The following HMCN1 variants were observed in gnomAD, a reference collection of about 807,000 sequenced individuals.
The protein encoded by HMCN1 is hemicentin-1.
In HMCN1, 321 loss-of-function variants were observed where a neutral mutation model predicts 625.9. The ratio of observed to expected loss-of-function variants is 0.51; its 90% CI spans 0.47 to 0.56. The LOEUF is 0.56. HMCN1 is among the 20% of genes least tolerant of loss of function. The pLI is 0.00. For synonymous variants in HMCN1, 2,425 were observed against 2,417.6 expected (o/e 1.00, Z -0.09); for missense variants, 6,588 against 6,887.3 (o/e 0.96, Z 1.54).
At chr1:185,904,050 A>G (rs542110252) in intron 4 of HMCN1, among the ~76,000 whole-genome samples, 3 of 151,964 alleles carry the variant, frequency 2.0e-5, no homozygotes, top group Non-Finnish European at 4.4e-5. Flanking sequence ...TCTTGTGGAC[A>G]GGGTCTGCAA....
intron 36 of HMCN1, among the ~76,000 whole-genome samples, chr1:186,027,441 A>G (rs922987786): frequency 9.2e-5 from 14 of 152,314 alleles, no homozygotes; most frequent in Admixed American, 2.0e-4. Context: ...CCCAGGAAAA[A>G]AATTAACCAA....
At chr1:185,856,099 A>T (rs1422429892) in intron 2 of HMCN1, among the ~76,000 whole-genome samples, 2 of 152,186 alleles carry the variant, frequency 1.3e-5, no homozygotes, top group South Asian at 2.1e-4. Context: ...ATTTGATTCA[A>T]TGTAATTTAA....
intron 11 of HMCN1, among the ~76,000 whole-genome samples, chr1:185,937,228 G>C (rs1230085498): frequency 1.3e-5 from 2 of 152,046 alleles, no homozygotes; most frequent in African/African-American, 4.8e-5. Flanking sequence ...TCTGTTTTTT[G>C]CCACCATAAC....
intron 42 of HMCN1, among the ~76,000 whole-genome samples, chr1:186,049,220 G>A (rs1478257013): frequency 6.6e-6 from 1 of 152,048 alleles, no homozygotes; most frequent in East Asian, 1.9e-4. Context: ...GTGAGAGAAA[G>A]AACATGGGCG....
At chr1:185,754,966 C>T (rs1023961433) in intron 1 of HMCN1, among the ~76,000 whole-genome samples, 1 of 152,186 alleles carries the variant, frequency 6.6e-6, no homozygotes, top group Non-Finnish European at 1.5e-5. Flanking sequence ...AGCATAACTT[C>T]TCTATCCTCA....
At chr1:185,812,412 C>G (rs1013600963) in intron 1 of HMCN1, among the ~76,000 whole-genome samples, 1 of 151,728 alleles carries the variant, frequency 6.6e-6, no homozygotes. Flanking sequence ...GTTTCTTTAA[C>G]AAAAAAAGTG....
chr1:185,977,418 T>C (rs1447027391), intron 15 of HMCN1, among the ~76,000 whole-genome samples: 1 of 152,154 alleles, frequency 6.6e-6, no homozygotes, highest in Non-Finnish European at 1.5e-5. Context: ...AAATATCTTA[T>C]TATAAAGCCA....
Position 186,117,491 on chromosome 1 carries a change from T to A in HMCN1, c.11716T>A (p.Phe3906Ile). The A allele has an allele frequency of 6.2e-7, 1 of 1,613,904 alleles. No individual in the cohort carries two copies. The highest frequency in any genetic ancestry group is 8.5e-7 in the Non-Finnish European group (1 of 1,179,858). Residue 3906 changes from phenylalanine to isoleucine, a missense_variant, in exon 77 of 107, where the codon TTC becomes ATC. By Grantham distance (21) the Phe-to-Ile change is conservative (BLOSUM62 0). Coordinates refer to ENST00000271588, the MANE Select transcript of HMCN1 (RefSeq NM_031935.3). ...TTCCATAGCTGATGAGCCTACAGATTTCCTAGTAACCAAACATGCCCCAGC... is the reference window on the plus strand; with the variant it reads ...TTCCATAGCTGATGAGCCTACAGATATCCTAGTAACCAAACATGCCCCAGC... ...PPSIADEPTD[F>I]LVTKHAPAVI...
chr1:185,766,310 G>A (rs78976754), intron 1 of HMCN1, among the ~76,000 whole-genome samples: 6,352 of 152,154 alleles, frequency 0.042, 381 homozygotes, highest in African/African-American at 0.14. Flanking sequence ...CTCAGAGACT[G>A]GGGGAATGCT....
At chr1:185,778,486 T>G in intron 1 of HMCN1, among the ~76,000 whole-genome samples, 1 of 122,746 alleles carries the variant, frequency 8.1e-6, no homozygotes, top group African/African-American at 3.1e-5. Flanking sequence ...CCTAATGCTA[T>G]CCCTCCCCCC....
intron 68 of HMCN1, 68 bp downstream of exon 68, chr1:186,095,589 G>A (rs1660097244): frequency 5.3e-6 from 8 of 1,499,380 alleles, no homozygotes; most frequent in Middle Eastern, 3.5e-4. Flanking sequence ...TAGTAAATAA[G>A]TATAATTCTG....
In HMCN1 at chr1:185,965,790, T is replaced by C; in HGVS notation, c.2099-12T>C. ...GCTAAATGTTGACTATTTGCGTTTTTGTTTTTTTCAGAAGCCCCTAAGTTG... is the reference window on the plus strand; with the variant it reads ...GCTAAATGTTGACTATTTGCGTTTTCGTTTTTTTCAGAAGCCCCTAAGTTG... On this transcript the variant is annotated splice_polypyrimidine_tract_variant and intron_variant, in intron 13 of 106. Transcript: ENST00000271588. 6.7e-7 allele frequency: 1 copy of C among 1,502,620 alleles called. No individual in the cohort carries two copies. Among genetic ancestry groups the C allele is most frequent in the East Asian group, 2.3e-5 (1 of 44,288 alleles). 93.1% of individuals were successfully genotyped at this position (1,502,620 alleles called of 1,614,324 possible).
intron 73 of HMCN1, 78 bp downstream of exon 73, chr1:186,114,201 T>C: frequency 6.9e-7 from 1 of 1,444,460 alleles, no homozygotes. Flanking sequence ...GTGCACTATT[T>C]TGGTCTCATT....
intron 1 of HMCN1, among the ~76,000 whole-genome samples, chr1:185,743,300 T>C (rs1654111921): frequency 6.6e-6 from 1 of 152,220 alleles, no homozygotes; most frequent in South Asian, 2.1e-4. Flanking sequence ...AACTCACAAG[T>C]AGAAGAATAC....
At chr1:185,838,322 T>C (rs1661291161) in intron 1 of HMCN1, among the ~76,000 whole-genome samples, 2 of 152,178 alleles carry the variant, frequency 1.3e-5, no homozygotes, top group African/African-American at 2.4e-5. Flanking sequence ...GGGTTGCAAG[T>C]GCATGTAAAG....
intron 81 of HMCN1, among the ~76,000 whole-genome samples, chr1:186,124,571 T>A (rs1002378328): frequency 9.2e-5 from 14 of 152,006 alleles, no homozygotes; most frequent in Non-Finnish European, 1.5e-4. Context: ...AAAATCAATT[T>A]TTGTGTTTTC....
At chr1:185,905,561 C>A (rs1202917014) in intron 4 of HMCN1, among the ~76,000 whole-genome samples, 2 of 151,734 alleles carry the variant, frequency 1.3e-5, no homozygotes. Flanking sequence ...AAATGCTCTT[C>A]CAAACAAAGC....
intron 1 of HMCN1, among the ~76,000 whole-genome samples, chr1:185,786,991 A>G (rs750901986): frequency 2.6e-5 from 4 of 152,100 alleles, no homozygotes; most frequent in Non-Finnish European, 5.9e-5. Context: ...GTTTTTCACC[A>G]TTTTCTCTTT....
intron 4 of HMCN1, among the ~76,000 whole-genome samples, chr1:185,885,868 G>A (rs1175839976): frequency 2.0e-5 from 3 of 151,922 alleles, no homozygotes; most frequent in Non-Finnish European, 2.9e-5. Flanking sequence ...CAGTAATACT[G>A]TGCTTTTCAT....
Sources: gnomAD v4.1 joint callset for allele counts (sites outside exome capture counted in the v4.1 genomes callset) on GRCh38, gnomAD v4.1.1 for gene constraint, MANE v1.5 for transcripts, NCBI Gene and HGNC (gene_info 2026-07-23, HGNC 2026-07-21) for gene names.